The following ALG14 variants were observed in gnomAD, a reference collection of about 807,000 sequenced individuals.
The protein encoded by ALG14 is ALG14 UDP-N-acetylglucosaminyltransferase subunit.
A neutral mutation model predicts 22.8 loss-of-function variants in ALG14; 17 were observed. The ratio of observed to expected loss-of-function variants is 0.75; its 90% confidence interval spans 0.51 to 1.12. The LOEUF (loss-of-function observed/expected upper bound fraction) is 1.12, where lower values mean the gene tolerates loss of function less well. Among genes scored for constraint, ALG14 ranks in the 50% most tolerant of loss-of-function variants. ALG14 has a pLI of 0.00. For synonymous variants in ALG14, 89 were observed against 103.7 expected (o/e 0.86, Z 0.86); for missense variants, 288 against 271.8 (o/e 1.06, Z -0.42).
chr1:95,011,893 T>C (rs1427833104), intron 3 of ALG14, among the ~76,000 whole-genome samples: 2 of 152,212 alleles, frequency 1.3e-5, no homozygotes. Flanking sequence ...TGATGAAAAG[T>C]TGATATGGCT....
chr1:94,976,006 G>T lies in ALG14; in HGVS notation c.*7070C>A, dbSNP rs1044362622. 2 of 115,364 alleles carry T rather than the reference G, an allele frequency of 1.7e-5. No homozygotes were observed. Among genetic ancestry groups the T allele is most frequent in the East Asian group, 3.0e-4 (1 of 3,304 alleles). 7.1% of individuals were successfully genotyped at this position (115,364 alleles called of 1,614,324 possible). ...CACTTCAGCCTGGGCAACAGAGCGAGACTCTGTCTCAAAAAAAAAAAAAAA... is the reference window on the plus strand; with the variant it reads ...CACTTCAGCCTGGGCAACAGAGCGATACTCTGTCTCAAAAAAAAAAAAAAA... On this transcript the variant is annotated 3_prime_UTR_variant, in exon 4 of 4. Coordinates refer to ENST00000370205, the MANE Select transcript of ALG14 (RefSeq NM_144988.4).
Position 94,982,214 on chromosome 1 carries a change from C to A in ALG14, c.*862G>T, listed in dbSNP as rs1045000601. On this transcript the variant is annotated 3_prime_UTR_variant, in exon 4 of 4. Transcript: ENST00000370205. Reference sequence around the variant, plus strand: ...AATCTCGGCTCACTGCAGCCTCTGCCTCCCGGGTTCAAGCGATTCTCCTGC... The same window carrying A: ...AATCTCGGCTCACTGCAGCCTCTGCATCCCGGGTTCAAGCGATTCTCCTGC... The A allele has an allele frequency of 6.6e-6, 1 of 151,406 alleles. No homozygotes were observed. The highest frequency in any genetic ancestry group is 2.4e-5 in the African/African-American group (1 of 41,040). The allele number at this position is 151,406 out of a possible 1,614,324, so 9.4% of individuals were successfully genotyped here.
intron 2 of ALG14, among the ~76,000 whole-genome samples, chr1:95,038,910 C>T (rs192455643): frequency 1.3e-4 from 19 of 151,986 alleles, no homozygotes; most frequent in African/African-American, 4.1e-4. Flanking sequence ...TTTCTAAAGA[C>T]GGGGTCTTCC....
At chr1:95,001,917 T>C (rs141590870) in intron 3 of ALG14, among the ~76,000 whole-genome samples, 1 of 152,366 alleles carries the variant, frequency 6.6e-6, no homozygotes, top group East Asian at 1.9e-4. Context: ...AATGAATGAA[T>C]GAATTTGTCC....
At chr1:94,983,822 A>G (rs1410699356) in intron 3 of ALG14, among the ~76,000 whole-genome samples, 5 of 151,488 alleles carry the variant, frequency 3.3e-5, no homozygotes, top group Non-Finnish European at 7.4e-5. Context: ...GCTCACTGCA[A>G]CCTCTGCCTC....
chr1:95,056,346 T>C (rs1485245690), intron 2 of ALG14, among the ~76,000 whole-genome samples: 1 of 152,030 alleles, frequency 6.6e-6, no homozygotes, highest in African/African-American at 2.4e-5. Context: ...TAAAGACAAG[T>C]GTGAAAAGCA....
chr1:94,998,803 C>T (rs562974684), intron 3 of ALG14, among the ~76,000 whole-genome samples: 2 of 152,206 alleles, frequency 1.3e-5, no homozygotes, highest in South Asian at 2.1e-4. Context: ...GGATTAAATA[C>T]GTATAAGGTA....
chr1:95,054,929 C>G (rs1674878923), intron 2 of ALG14, among the ~76,000 whole-genome samples: 1 of 152,104 alleles, frequency 6.6e-6, no homozygotes, highest in Non-Finnish European at 1.5e-5. Context: ...GTTTGCAAAC[C>G]AAATCTAGCA....
chr1:95,065,957 A>T (rs1047783892), intron 1 of ALG14, among the ~76,000 whole-genome samples: 1 of 152,206 alleles, frequency 6.6e-6, no homozygotes, highest in Non-Finnish European at 1.5e-5. Context: ...TAAGCACAAC[A>T]GTCAAACTCC....
chr1:94,989,689 A>T (rs1430611732), intron 3 of ALG14, among the ~76,000 whole-genome samples: 2 of 152,240 alleles, frequency 1.3e-5, no homozygotes, highest in African/African-American at 4.8e-5. Flanking sequence ...CTGTGGCCAT[A>T]GAATTTCATT....
At chr1:95,036,936 T>C (rs1197324890) in intron 2 of ALG14, among the ~76,000 whole-genome samples, 2 of 152,156 alleles carry the variant, frequency 1.3e-5, no homozygotes, top group African/African-American at 2.4e-5. Flanking sequence ...CACAGCTGGC[T>C]CAAGACTGGC....
At chr1:94,987,265 C>G (rs1047265655) in intron 3 of ALG14, among the ~76,000 whole-genome samples, 1 of 152,174 alleles carries the variant, frequency 6.6e-6, no homozygotes, top group Admixed American at 6.5e-5. Context: ...CATTCTATTT[C>G]TGCTTAAATC....
intron 2 of ALG14, among the ~76,000 whole-genome samples, chr1:95,029,476 C>A (rs1673930161): frequency 6.6e-6 from 1 of 152,086 alleles, no homozygotes; most frequent in Non-Finnish European, 1.5e-5. Flanking sequence ...AATGTGAACA[C>A]CAGGAAGTGA....
At chr1:95,035,254 T>A (rs964272951) in intron 2 of ALG14, among the ~76,000 whole-genome samples, 1 of 152,242 alleles carries the variant, frequency 6.6e-6, no homozygotes, top group African/African-American at 2.4e-5. Flanking sequence ...GTTCAATGTG[T>A]ATATCCTGCA....
At chr1:95,000,475 G>T (rs1673033022) in intron 3 of ALG14, among the ~76,000 whole-genome samples, 1 of 146,632 alleles carries the variant, frequency 6.8e-6, no homozygotes, top group Non-Finnish European at 1.5e-5. Flanking sequence ...GGCAGAAGTT[G>T]CAGTGAGCTG....
At chr1:95,053,564 GTT>G (rs1314309905) in intron 2 of ALG14, among the ~76,000 whole-genome samples, 1 of 151,620 alleles carries the variant, frequency 6.6e-6, no homozygotes, top group Non-Finnish European at 1.5e-5. Flanking sequence ...TGTTTTTTTT[GTT>G]TGTTTGTTTT....
Position 94,979,800 on chromosome 1 carries a change from G to A in ALG14, c.*3276C>T, listed in dbSNP as rs1672465436. The A allele has an allele frequency of 6.6e-6, 1 of 152,130 alleles. No individual in the cohort carries two copies. The highest frequency in any genetic ancestry group is 1.5e-5 in the Non-Finnish European group (1 of 68,024). The allele number at this position is 152,130 out of a possible 1,614,324, so 9.4% of individuals were successfully genotyped here. The stretch of plus-strand genomic sequence containing the variant: ...CATGTTTAAAATGAGTGGGCAGCAG[G>A]AACACAGTTGTAGATGATTTGTTTT... On this transcript the variant is annotated 3_prime_UTR_variant, in exon 4 of 4. Transcript: ENST00000370205.
intron 2 of ALG14, among the ~76,000 whole-genome samples, chr1:95,050,528 ATGC>A (rs1361204431): frequency 6.6e-6 from 1 of 152,236 alleles, no homozygotes; most frequent in Non-Finnish European, 1.5e-5. Context: ...ACAGTTTTAA[ATGC>A]TGTCAGAAAT....
chr1:95,063,226 T>C (rs552946225), intron 2 of ALG14, among the ~76,000 whole-genome samples: 3 of 152,360 alleles, frequency 2.0e-5, no homozygotes, highest in African/African-American at 7.2e-5. Flanking sequence ...TGCAAAAATT[T>C]TCTCCAATCC....
Sources: allele counts gnomAD v4.1 joint callset (sites outside exome capture counted in the v4.1 genomes callset), GRCh38; gene constraint gnomAD v4.1.1; transcripts MANE v1.5; gene names NCBI Gene and HGNC (gene_info 2026-07-23, HGNC 2026-07-21).